The following GGTA1 variants were observed in gnomAD, a reference collection of about 807,000 sequenced individuals.
The protein encoded by GGTA1 is glycoprotein alpha-galactosyltransferase 1 (inactive).
Under a neutral mutation model 2.6 loss-of-function variants are expected in GGTA1, and 5 were observed. The ratio of observed to expected loss-of-function variants is 1.92; its 90% CI spans 1.00 to 4.04. GGTA1 has a LOEUF of 4.04. GGTA1 is among the 30% of genes most tolerant of loss of function. GGTA1 has a pLI of 0.00. For missense variants in GGTA1, 50 were observed against 16.7 expected (o/e 2.99, Z -3.47); for synonymous variants, 17 against 5.0 (o/e 3.38, Z -3.19).
At chr9:121,480,212 C>G (rs1052356783) in intron 1 of GGTA1, among the ~76,000 whole-genome samples, 3 of 151,928 alleles carry the variant, frequency 2.0e-5, no homozygotes, top group African/African-American at 4.8e-5. Context: ...CATGCCACCA[C>G]GCCCAGCTGA....
chr9:121,482,487 G>A (rs1282388930), intron 1 of GGTA1, among the ~76,000 whole-genome samples: 2 of 151,918 alleles, frequency 1.3e-5, no homozygotes, highest in Admixed American at 6.6e-5. Flanking sequence ...TTAAAAAATC[G>A]GCTGGGCACA....
At chr9:121,456,705 C>T (rs1371839578) in intron 5 of GGTA1, among the ~76,000 whole-genome samples, 1 of 151,886 alleles carries the variant, frequency 6.6e-6, no homozygotes, top group Non-Finnish European at 1.5e-5. Context: ...CGTGAGCTAC[C>T]ATGCCCAGCC....
intron 2 of GGTA1, among the ~76,000 whole-genome samples, chr9:121,465,394 CTTG>C (rs1427793296): frequency 6.6e-6 from 1 of 152,232 alleles, no homozygotes; most frequent in Non-Finnish European, 1.5e-5. Context: ...CAAAATCTTT[CTTG>C]TTCTGCCCTC....
chr9:121,491,145 T>C lies in GGTA1; in HGVS notation c.-10+8505A>G, dbSNP rs965570901. On this transcript the variant is annotated intron_variant, in intron 1 of 5. Transcript: ENST00000481799. ...CACAAGCAAACCCCGGCCCAGTCCT[T>C]GCTCTCGGGGAGCCAGGCCTCCTTA... Among the ~76,000 whole-genome samples the C allele has an allele frequency of 1.2e-4, 18 of 150,780 alleles. No individual in the cohort carries two copies. The East Asian group carries it at 3.1e-3, about 26-fold the overall frequency.
chr9:121,446,848 A>C (rs1290267826), exon 8 of GGTA1: 1 of 152,208 alleles, frequency 6.6e-6, no homozygotes, highest in Non-Finnish European at 1.5e-5. Flanking sequence ...TACTTTTCTG[A>C]GGAAGTAGCC....
At chr9:121,497,580 G>C (rs997138990) in intron 1 of GGTA1, among the ~76,000 whole-genome samples, 2 of 151,916 alleles carry the variant, frequency 1.3e-5, no homozygotes, top group African/African-American at 4.8e-5. Context: ...AGCCCCTCAG[G>C]CTCCAGTCTT....
chr9:121,464,794 A>G (rs762166150), intron 2 of GGTA1, among the ~76,000 whole-genome samples: 4 of 152,176 alleles, frequency 2.6e-5, no homozygotes, highest in Non-Finnish European at 5.9e-5. Context: ...TTATTTTTTC[A>G]TCCAGCCTGA....
At chr9:121,489,818 G>T (rs948257275) in intron 1 of GGTA1, among the ~76,000 whole-genome samples, 1 of 152,166 alleles carries the variant, frequency 6.6e-6, no homozygotes, top group African/African-American at 2.4e-5. Context: ...TGTTGGGGGT[G>T]GGGTGGGGTT....
chr9:121,450,716 CCTAAT>C (rs2118746088), downstream of GGTA1, among the ~76,000 whole-genome samples: 1 of 152,256 alleles, frequency 6.6e-6, no homozygotes, highest in Admixed American at 6.5e-5. Context: ...GGGTGGTTCA[CCTAAT>C]CTAATTAGGT....
chr9:121,473,720 G>A (rs1477661409), intron 1 of GGTA1, among the ~76,000 whole-genome samples: 1 of 152,114 alleles, frequency 6.6e-6, no homozygotes, highest in Non-Finnish European at 1.5e-5. Flanking sequence ...GAGCCCAGGA[G>A]TTCGAGACCA....
At chr9:121,485,620 G>A (rs1417814278) in intron 1 of GGTA1, among the ~76,000 whole-genome samples, 3 of 152,146 alleles carry the variant, frequency 2.0e-5, no homozygotes, top group Non-Finnish European at 2.9e-5. Flanking sequence ...GACTCAGGCC[G>A]GGCTCTGGAG....
At chr9:121,484,542 C>T (rs1419553443) in intron 1 of GGTA1, among the ~76,000 whole-genome samples, 1 of 152,086 alleles carries the variant, frequency 6.6e-6, no homozygotes, top group African/African-American at 2.4e-5. Flanking sequence ...CCTCAGCCTC[C>T]CAAAGTACTG....
At chr9:121,447,719 C>T (rs944279622) in intron 7 of GGTA1, 5 of 152,096 alleles carry the variant, frequency 3.3e-5, no homozygotes, top group Non-Finnish European at 7.4e-5. Flanking sequence ...CTGAAAGAAA[C>T]CACGTGATGT....
intron 1 of GGTA1, among the ~76,000 whole-genome samples, chr9:121,481,680 CAAAAAAAAAAA>C (rs34813039): frequency 9.3e-5 from 6 of 64,220 alleles, no homozygotes; most frequent in Admixed American, 2.0e-4. Context: ...GACTCTGTCT[CAAAAAAAAAAA>C]AAAAAAAAAA....
chr9:121,465,012 AAAAAAAC>A (rs2064994217), intron 2 of GGTA1, among the ~76,000 whole-genome samples: 7 of 151,704 alleles, frequency 4.6e-5, no homozygotes, highest in South Asian at 2.1e-4. Flanking sequence ...AAACAAAAAA[AAAAAAAC>A]AAAAAACAAC....
chr9:121,490,664 C>T (rs1828854863), intron 1 of GGTA1, among the ~76,000 whole-genome samples: 1 of 152,232 alleles, frequency 6.6e-6, no homozygotes, highest in Non-Finnish European at 1.5e-5. Context: ...GCTAGAGCAA[C>T]GTTACTCACA....
chr9:121,492,870 G>A (rs1828899346), intron 1 of GGTA1, among the ~76,000 whole-genome samples: 1 of 152,000 alleles, frequency 6.6e-6, no homozygotes. Context: ...TTGAGGCCGG[G>A]TGGTGGCTTG....
Position 121,487,496 on chromosome 9 carries a change from A to G in GGTA1, c.-10+12154T>C, listed in dbSNP as rs989116326. Among the ~76,000 whole-genome samples, 3 of 147,738 alleles carry G rather than the reference A, an allele frequency of 2.0e-5. No individual in the cohort carries two copies. In the Admixed American group the frequency reaches 2.0e-4, roughly 10 times the overall value. On this transcript the variant is annotated intron_variant, in intron 1 of 5. Coordinates refer to ENST00000481799, the MANE Select transcript of GGTA1 (RefSeq NM_001382585.1). ...GAGGCTGAGTCAGGAGAATCGTTTG[A>G]ACCCGGGAGGCAGAGGTTGCAGTGA... is the stretch of plus-strand genomic sequence containing the variant.
chr9:121,490,033 G>A (rs1314321381), intron 1 of GGTA1, among the ~76,000 whole-genome samples: 1 of 152,182 alleles, frequency 6.6e-6, no homozygotes, highest in East Asian at 1.9e-4. Flanking sequence ...AGTATACTGA[G>A]GAGGCAAACA....
Sources: gnomAD v4.1 joint callset for allele counts (sites outside exome capture counted in the v4.1 genomes callset) on GRCh38, gnomAD v4.1.1 for gene constraint, MANE v1.5 for transcripts, NCBI Gene and HGNC (gene_info 2026-07-23, HGNC 2026-07-21) for gene names.